CFAP20DC: variants seen among roughly 807,000 people sequenced by gnomAD.
The protein encoded by CFAP20DC is CFAP20 domain containing.
CFAP20DC carries 84 observed loss-of-function variants against 101.7 expected under a neutral mutation model. The ratio of observed to expected loss-of-function variants is 0.83; its 90% CI spans 0.69 to 0.99. CFAP20DC has a LOEUF of 0.99. Among genes scored for constraint, CFAP20DC ranks in the 50% least tolerant of loss-of-function variants. The probability of loss-of-function intolerance (pLI) is 0.00; values close to 1 mark genes in which losing one functional copy is unlikely to be tolerated. For missense variants in CFAP20DC, 1,007 were observed against 970.3 expected, an observed-to-expected ratio of 1.04 and a Z score of -0.50; for synonymous variants, 359 against 351.2, an observed-to-expected ratio of 1.02 and a Z score of -0.25.
At chr3:58,938,139 T>C (rs1380544951) in intron 4 of CFAP20DC, among the ~76,000 whole-genome samples, 1 of 152,208 alleles carries the variant, frequency 6.6e-6, no homozygotes, top group Admixed American at 6.5e-5. Flanking sequence ...ACCTACTAAA[T>C]AGGAAAACAT....
intron 4 of CFAP20DC, among the ~76,000 whole-genome samples, chr3:59,024,158 GT>G (rs2093852700): frequency 6.6e-6 from 1 of 152,066 alleles, no homozygotes; most frequent in Non-Finnish European, 1.5e-5. Flanking sequence ...CCCAAAAGAA[GT>G]ATACCACAGA....
rs575639185 is a variant in CFAP20DC at position 58,993,445 on chromosome 3, G to A, written c.278+46112C>T. 2.0e-3 allele frequency among the ~76,000 whole-genome samples: 310 copies of A among 151,694 alleles called. 2 individuals are homozygous for A. The highest frequency in any genetic ancestry group is 7.3e-3 in the African/African-American group (303 of 41,334). On this transcript the variant is annotated intron_variant, in intron 4 of 16. Transcript: ENST00000482387. ...TTTTTTTTTTATTTCCAACTTTTAA[G>A]TTCAGGGGTACCTGTGCAGAGTGTG...
intron 15 of CFAP20DC, among the ~76,000 whole-genome samples, chr3:58,773,392 AAAAAAAAAAAG>A (rs1183606551): frequency 6.7e-6 from 1 of 149,814 alleles, no homozygotes; most frequent in African/African-American, 2.5e-5. Context: ...CTCTAGCAAA[AAAAAAAAAAAG>A]AAAAAGAAAA....
intron 2 of CFAP20DC, 96 bp downstream of exon 2, chr3:59,047,069 G>C: frequency 1.2e-6 from 1 of 803,354 alleles, no homozygotes; most frequent in South Asian, 1.7e-5. Context: ...GAAAGAACAG[G>C]AAAAACAGCT....
chr3:58,974,336 A>G (rs1018458165), intron 4 of CFAP20DC, among the ~76,000 whole-genome samples: 1 of 152,014 alleles, frequency 6.6e-6, no homozygotes, highest in Non-Finnish European at 1.5e-5. Context: ...TTTAGCTCCC[A>G]CTTTAAGTGA....
chr3:58,993,886 T>C (rs2093023030), intron 4 of CFAP20DC, among the ~76,000 whole-genome samples: 1 of 152,222 alleles, frequency 6.6e-6, no homozygotes, highest in Non-Finnish European at 1.5e-5. Flanking sequence ...AGTGCTGCAA[T>C]GAGCATACAT....
At chr3:58,750,936 A>C (rs1324949665) in intron 16 of CFAP20DC, among the ~76,000 whole-genome samples, 1 of 152,222 alleles carries the variant, frequency 6.6e-6, no homozygotes, top group Non-Finnish European at 1.5e-5. Context: ...TACTCTCATA[A>C]TTAAATTTTA....
chr3:58,913,488 A>T lies in CFAP20DC; in HGVS notation c.550+220T>A. On this transcript the variant is annotated intron_variant, in intron 6 of 16. Transcript: ENST00000482387. The surrounding 1 kb of genome is among the most constrained non-coding windows in gnomAD (Gnocchi z 4.4). Reference sequence around the variant, plus strand: ...AAGTGTTACCATAAAGAAAAAAGAAAACAACCACAAAAAGAAGATTAATAC... The same window carrying T: ...AAGTGTTACCATAAAGAAAAAAGAATACAACCACAAAAAGAAGATTAATAC... 3.3e-6 allele frequency: 2 copies of T among 608,170 alleles called. No individual in the cohort carries two copies. The highest frequency in any genetic ancestry group is 4.1e-5 in the South Asian group (2 of 48,524). 37.7% of individuals were successfully genotyped at this position (608,170 alleles called of 1,614,324 possible).
downstream of CFAP20DC, chr3:58,741,944 G>A (rs1298964091): frequency 2.8e-6 from 1 of 358,670 alleles, no homozygotes; most frequent in African/African-American, 2.2e-5. Flanking sequence ...GAGAAGGAAA[G>A]TATCATATAG....
chr3:58,740,969 T>C (rs1181447383), downstream of CFAP20DC, among the ~76,000 whole-genome samples: 11 of 152,324 alleles, frequency 7.2e-5, no homozygotes, highest in East Asian at 1.9e-3. The surrounding 1 kb of genome is among the most constrained non-coding windows in gnomAD (Gnocchi z 4.6). Context: ...AACAAAGGCA[T>C]ACTTTGTGAA....
At chr3:58,981,070 A>G (rs1430281099) in intron 4 of CFAP20DC, among the ~76,000 whole-genome samples, 1 of 152,138 alleles carries the variant, frequency 6.6e-6, no homozygotes, top group Non-Finnish European at 1.5e-5. Context: ...TAACAGACAA[A>G]CAGAGAGCCA....
At chr3:58,854,507 A>G (rs1161259099) in intron 12 of CFAP20DC, among the ~76,000 whole-genome samples, 1 of 152,202 alleles carries the variant, frequency 6.6e-6, no homozygotes, top group Non-Finnish European at 1.5e-5. Context: ...TATGGCACCA[A>G]AAAAGAGCCC....
chr3:58,975,489 T>C (rs2092223930), intron 4 of CFAP20DC, among the ~76,000 whole-genome samples: 1 of 152,214 alleles, frequency 6.6e-6, no homozygotes, highest in Non-Finnish European at 1.5e-5. Context: ...CCAGGAATTC[T>C]AAACTGAGGC....
rs566041314 is a variant in CFAP20DC at position 58,794,230 on chromosome 3, T to C, written c.2237+12165A>G. 5.4e-4 allele frequency: 215 copies of C among 395,628 alleles called. 4 individuals are homozygous for C. The Middle Eastern group carries it at 0.019, about 35-fold the overall frequency. 24.5% of individuals were successfully genotyped at this position (395,628 alleles called of 1,614,324 possible). The stretch of plus-strand genomic sequence containing the variant: ...AACCAGTCTTGTTTCAGAATATAGT[T>C]TTTTTTTCCCATGCCTACACCAAAC... On this transcript the variant is annotated intron_variant, in intron 15 of 16. Transcript: ENST00000482387.
intron 4 of CFAP20DC, among the ~76,000 whole-genome samples, chr3:59,005,543 C>T (rs2093414341): frequency 6.6e-6 from 1 of 152,068 alleles, no homozygotes; most frequent in South Asian, 2.1e-4. Flanking sequence ...ATTTTTCTGT[C>T]ATATAATTTT....
At chr3:58,940,674 A>G (rs548020010) in intron 4 of CFAP20DC, among the ~76,000 whole-genome samples, 2 of 152,334 alleles carry the variant, frequency 1.3e-5, no homozygotes, top group South Asian at 2.1e-4. Context: ...ATAATACACT[A>G]TCTTGATTAC....
intron 5 of CFAP20DC, among the ~76,000 whole-genome samples, chr3:58,937,258 C>T (rs149423114): frequency 1.1e-3 from 165 of 152,324 alleles, no homozygotes; most frequent in African/African-American, 3.5e-3. Context: ...TCTGTCCATG[C>T]TGTTGCTTTT....
At chr3:58,801,324 C>T (rs181596726) in intron 15 of CFAP20DC, among the ~76,000 whole-genome samples, 2 of 152,068 alleles carry the variant, frequency 1.3e-5, no homozygotes, top group East Asian at 1.9e-4. Flanking sequence ...CAAATCATTA[C>T]GATTTAGTGC....
At chr3:58,984,980 A>G (rs1371236225) in intron 4 of CFAP20DC, among the ~76,000 whole-genome samples, 1 of 152,162 alleles carries the variant, frequency 6.6e-6, no homozygotes. Flanking sequence ...AGCCCACTGC[A>G]GCCTTGACGT....
Sources: gnomAD v4.1 joint callset for allele counts (sites outside exome capture counted in the v4.1 genomes callset) on GRCh38, gnomAD v4.1.1 for gene constraint, Gnocchi (gnomAD v3.1) non-coding constraint, MANE v1.5 for transcripts, NCBI Gene and HGNC (gene_info 2026-07-23, HGNC 2026-07-21) for gene names.